Variants in RASA2 observed in about 807,000 individuals in gnomAD.
The protein encoded by RASA2 is ras GTPase-activating protein 2.
Under a neutral mutation model 118.2 loss-of-function variants are expected in RASA2, and 155 were observed. That is an observed-to-expected ratio of 1.31 (90% CI 1.15 to 1.50). The LOEUF is 1.50. RASA2 is among the 40% of genes most tolerant of loss of function. The pLI, the probability that RASA2 is intolerant of heterozygous loss-of-function variation, is 0.00. For synonymous variants in RASA2, 353 were observed against 349.1 expected, an observed-to-expected ratio of 1.01 and a Z score of -0.12; for missense variants, 1,016 against 1,009.6, an observed-to-expected ratio of 1.01 and a Z score of -0.09.
At chr3:141,585,919 T>G in intron 17 of RASA2, 106 bp from the exon 18 acceptor site, 1 of 787,176 alleles carries the variant, frequency 1.3e-6, no homozygotes, top group Admixed American at 3.2e-5. Flanking sequence ...GTGTATTCAT[T>G]AATAATGAAG....
In RASA2 at chr3:141,570,958, G is replaced by T. The variant is rs767706967; in HGVS notation, c.910G>T (p.Asp304Tyr). ...RDNGNKSSKT[D>Y]DLGSLRLNIC... ...CAATGGAAACAAGTCATCCAAAACT[G>T]ATGACCTGGGGTCTCTTCGATTAAA... is the stretch of plus-strand genomic sequence containing the variant. Residue 304 changes from aspartate to tyrosine, a missense_variant, in exon 10 of 24, where the codon GAT becomes TAT. Transcript: ENST00000286364. 6.2e-7 allele frequency: 1 copy of T among 1,612,000 alleles called. No individual in the cohort carries two copies. Among genetic ancestry groups the T allele is most frequent in the Non-Finnish European group, 8.5e-7 (1 of 1,178,950 alleles).
intron 17 of RASA2, among the ~76,000 whole-genome samples, chr3:141,581,707 A>G (rs1490466665): frequency 6.6e-6 from 1 of 152,198 alleles, no homozygotes; most frequent in Non-Finnish European, 1.5e-5. Flanking sequence ...ATAGTAAAAA[A>G]TATATACATT....
In RASA2 at chr3:141,582,354, T is replaced by C. The variant is rs116515438; in HGVS notation, c.1752+1177T>C. On this transcript the variant is annotated intron_variant, in intron 17 of 23. Transcript: ENST00000286364. The stretch of plus-strand genomic sequence containing the variant: ...TTGAGGAGAAAGTCTTTCAAAAGAA[T>C]AGGCAAAGAAAAAGCTGCCCTTTTA... Among the ~76,000 whole-genome samples the C allele has an allele frequency of 4.2e-3, 636 of 152,332 alleles. 4 individuals carry two copies. The highest frequency in any genetic ancestry group is 0.015 in the African/African-American group (603 of 41,578).
chr3:141,518,748 T>C (rs564768890), intron 3 of RASA2, among the ~76,000 whole-genome samples: 75 of 152,076 alleles, frequency 4.9e-4, no homozygotes, highest in Admixed American at 7.9e-4. Flanking sequence ...AAAACTGTTA[T>C]ATGTTCTTAG....
intron 18 of RASA2, among the ~76,000 whole-genome samples, 160 bp from the exon 19 acceptor site, chr3:141,586,486 G>A (rs898161349): frequency 6.6e-6 from 1 of 152,004 alleles, no homozygotes. Flanking sequence ...CTTTAGTGTG[G>A]CCAAAATAAA....
chr3:141,578,909 A>G (rs2083056453), intron 15 of RASA2: 1 of 152,210 alleles, frequency 6.6e-6, no homozygotes, highest in African/African-American at 2.4e-5. Context: ...TATTTTCTTC[A>G]AAGACAGAGA....
chr3:141,566,872 T>G (rs1375078284), intron 9 of RASA2, among the ~76,000 whole-genome samples: 1 of 152,186 alleles, frequency 6.6e-6, no homozygotes, highest in East Asian at 1.9e-4. Flanking sequence ...ATTCATTCAC[T>G]CACTCTCTAG....
At position 141,608,546 on chromosome 3, in the gene RASA2, G is replaced by GA. The variant is rs2083584882; in HGVS notation, c.2076dup (p.Ala693SerfsTer2). 6.2e-7 allele frequency: 1 copy of GA among 1,613,866 alleles called. No homozygotes were observed. The highest frequency in any genetic ancestry group is 8.5e-7 in the Non-Finnish European group (1 of 1,179,926). ...CTATGTCCAGGCAAATAACTGTGTA[G>GA]AAGCTAATGAATGGATAGACGTACT... is the stretch of plus-strand genomic sequence containing the variant. On this transcript the variant is annotated frameshift_variant, in exon 21 of 24. Transcript: ENST00000286364. LOFTEE classifies it high-confidence loss of function.
At chr3:141,554,044 A>C (rs1360088071) in intron 6 of RASA2, 104 bp downstream of exon 6, 14 of 1,446,536 alleles carry the variant, frequency 9.7e-6, no homozygotes, top group Non-Finnish European at 1.3e-5. Flanking sequence ...TATTTATAAC[A>C]CACAGTAATA....
intron 2 of RASA2, among the ~76,000 whole-genome samples, chr3:141,512,532 T>C (rs2081967015): frequency 2.0e-5 from 3 of 152,236 alleles, no homozygotes; most frequent in African/African-American, 7.2e-5. Context: ...TACATCTTTA[T>C]TTTATTTATC....
chr3:141,558,969 G>T lies in RASA2; in HGVS notation c.761+7G>T. On this transcript the variant is annotated splice_region_variant and intron_variant, in intron 8 of 23. Coordinates refer to ENST00000286364, the MANE Select transcript of RASA2 (RefSeq NM_006506.5). ...TTGAAAAGCTAGAAATCAGGTATGT[G>T]CCTTGGGGTTTTACAGAATTGCTTT... The T allele has an allele frequency of 1.3e-6, 2 of 1,586,960 alleles. No individual in the cohort carries two copies. The highest frequency in any genetic ancestry group is 1.7e-6 in the Non-Finnish European group (2 of 1,161,008).
At chr3:141,592,389 G>A (rs2107783640) in intron 19 of RASA2, among the ~76,000 whole-genome samples, 1 of 152,314 alleles carries the variant, frequency 6.6e-6, no homozygotes, top group East Asian at 1.9e-4. Flanking sequence ...AATTGAAGAA[G>A]AGGGTAAGTC....
intron 3 of RASA2, among the ~76,000 whole-genome samples, chr3:141,519,705 A>G (rs1233914621): frequency 6.6e-6 from 1 of 152,070 alleles, no homozygotes; most frequent in Non-Finnish European, 1.5e-5. Context: ...TTCTGTTTGT[A>G]GCAAACTGTT....
At chr3:141,493,002 GGAAGGTAGAGAACAT>G (rs1438441679) in intron 1 of RASA2, among the ~76,000 whole-genome samples, 1 of 152,050 alleles carries the variant, frequency 6.6e-6, no homozygotes, top group Non-Finnish European at 1.5e-5. Context: ...ATTTAAAGCT[GGAAGGTAGAGAACAT>G]GAAGGTAGAG....
chr3:141,575,436 T>G (rs894018520), intron 14 of RASA2, among the ~76,000 whole-genome samples: 1 of 152,218 alleles, frequency 6.6e-6, no homozygotes, highest in African/African-American at 2.4e-5. Flanking sequence ...TCATTGAAAT[T>G]ATATTTTTAA....
At chr3:141,608,405 C>T (rs530792372) in intron 20 of RASA2, 84 bp from the exon 21 acceptor site, 440 of 1,321,126 alleles carry the variant, frequency 3.3e-4, no homozygotes, top group Non-Finnish European at 4.5e-4. Flanking sequence ...AACTAGATTC[C>T]TTTAGGTACT....
chr3:141,542,042 G>GT (rs1407695276), intron 5 of RASA2, among the ~76,000 whole-genome samples: 4 of 151,604 alleles, frequency 2.6e-5, no homozygotes, highest in East Asian at 1.9e-4. Context: ...CAATTTAAGG[G>GT]TTTTTTTGTG....
chr3:141,547,553 C>G (rs2082503941), intron 5 of RASA2, among the ~76,000 whole-genome samples: 1 of 152,196 alleles, frequency 6.6e-6, no homozygotes, highest in Admixed American at 6.5e-5. Flanking sequence ...AATTTTGAAT[C>G]CTGCCACTTT....
At position 141,614,878 on chromosome 3, in the gene RASA2, CAAAA is replaced by C. The variant is rs1269469508; in HGVS notation, c.*2569_*2572del. On this transcript the variant is annotated 3_prime_UTR_variant, in exon 24 of 24. Coordinates refer to ENST00000286364, the MANE Select transcript of RASA2 (RefSeq NM_006506.5). ...GAAAACTAGGCTTTTTTTTATGAAA[CAAAA>C]AAAGGTGACGAATAATATGGCTTTT... 2 of 151,552 alleles carry C rather than the reference CAAAA, an allele frequency of 1.3e-5. No homozygotes were observed. The highest frequency in any genetic ancestry group is 1.5e-5 in the Non-Finnish European group (1 of 67,860). The allele number at this position is 151,552 out of a possible 1,614,324, so 9.4% of individuals were successfully genotyped here.
Sources: gnomAD v4.1 joint callset for allele counts (sites outside exome capture counted in the v4.1 genomes callset) on GRCh38, gnomAD v4.1.1 for gene constraint, MANE v1.5 for transcripts, NCBI Gene and HGNC (gene_info 2026-07-23, HGNC 2026-07-21) for gene names.